SLC30A7: variants seen among roughly 807,000 people sequenced by gnomAD.
SLC30A7 encodes solute carrier family 30 member 7, also known as zinc transporter 7.
In SLC30A7, 35 loss-of-function variants were observed where a neutral mutation model predicts 46.0. The ratio of observed to expected loss-of-function variants is 0.76; its 90% confidence interval spans 0.58 to 1.01. The LOEUF (loss-of-function observed/expected upper bound fraction) is 1.01, where lower values mean the gene tolerates loss of function less well. Among genes scored for constraint, SLC30A7 ranks in the 50% least tolerant of loss-of-function variants. SLC30A7 has a pLI of 0.00. For synonymous variants in SLC30A7, 147 were observed against 157.8 expected, an observed-to-expected ratio of 0.93 and a Z score of 0.51; for missense variants, 464 against 451.1, an observed-to-expected ratio of 1.03 and a Z score of -0.26.
Position 100,975,019 on chromosome 1 carries a change from C to G in SLC30A7, c.*162C>G. 2.2e-6 allele frequency: 1 copy of G among 451,358 alleles called. No individual in the cohort carries two copies. Among genetic ancestry groups the G allele is most frequent in the Non-Finnish European group, 3.9e-6 (1 of 253,788 alleles). 28.0% of individuals were successfully genotyped at this position (451,358 alleles called of 1,614,324 possible). A position where few individuals can be genotyped will look rare whatever the true frequency, so the allele number is the denominator to read the frequency against. ...AGCCGTTCATGCTTTGTGGGGAGTT[C>G]ACAGCTAAGGGATCAGATTTAAGAG... On this transcript the variant is annotated 3_prime_UTR_variant, in exon 11 of 11. Transcript: ENST00000357650.
intron 8 of SLC30A7, among the ~76,000 whole-genome samples, chr1:100,925,959 G>C (rs1207091537): frequency 6.6e-6 from 1 of 152,150 alleles, no homozygotes; most frequent in Non-Finnish European, 1.5e-5. Flanking sequence ...CACCCCTTCT[G>C]TTTTCCTGGA....
chr1:100,966,452 A>G (rs2101092664), intron 10 of SLC30A7, among the ~76,000 whole-genome samples: 1 of 151,908 alleles, frequency 6.6e-6, no homozygotes, highest in Middle Eastern at 3.4e-3. Flanking sequence ...GGGTGTGGTG[A>G]CAGGCGACTG....
At chr1:100,897,311 G>A (rs577280884) in intron 2 of SLC30A7, among the ~76,000 whole-genome samples, 8 of 152,096 alleles carry the variant, frequency 5.3e-5, no homozygotes, top group Admixed American at 1.3e-4. Flanking sequence ...TTAGGAGGAG[G>A]AAAATCTAGT....
intron 8 of SLC30A7, among the ~76,000 whole-genome samples, chr1:100,932,258 T>C (rs528785075): frequency 8.7e-4 from 132 of 152,010 alleles, no homozygotes; most frequent in African/African-American, 2.9e-3. Flanking sequence ...CTACTAAAAA[T>C]ACAAAAATTA....
At chr1:100,968,415 C>T (rs747270691) in intron 10 of SLC30A7, among the ~76,000 whole-genome samples, 1 of 150,542 alleles carries the variant, frequency 6.6e-6, no homozygotes, top group African/African-American at 2.5e-5. Flanking sequence ...GAGCTGAGAG[C>T]ATGCCATTGC....
chr1:100,913,210 T>A (rs1203163439), intron 5 of SLC30A7, among the ~76,000 whole-genome samples: 2 of 152,244 alleles, frequency 1.3e-5, no homozygotes, highest in Non-Finnish European at 2.9e-5. Flanking sequence ...TGTGTCTGCC[T>A]TAATGTGAGC....
intron 8 of SLC30A7, 26 bp from the exon 9 acceptor site, chr1:100,961,802 T>TA (rs1324935485): frequency 6.9e-6 from 10 of 1,438,902 alleles, no homozygotes; most frequent in African/African-American, 2.8e-5. Flanking sequence ...GTGACTTTAA[T>TA]AAATTGTTGT....
rs1201949661 is a variant in SLC30A7 at position 100,974,908 on chromosome 1, G to A, written c.*51G>A. 2.7e-6 allele frequency: 4 copies of A among 1,468,596 alleles called. No homozygotes were observed. Among genetic ancestry groups the A allele is most frequent in the East Asian group, 2.3e-5 (1 of 43,666 alleles). 91.0% of individuals were successfully genotyped at this position (1,468,596 alleles called of 1,614,324 possible). On this transcript the variant is annotated 3_prime_UTR_variant, in exon 11 of 11. Coordinates refer to ENST00000357650, the MANE Select transcript of SLC30A7 (RefSeq NM_133496.5). ...TTATGGACCAAATTTTTCTGGTACT[G>A]TACGATCCAAAACATTGTACCCAGC...
At chr1:100,992,618 C>T in the SLC30A7 span, 326 of 1,575,424 alleles carry the variant, frequency 2.1e-4, 2 homozygotes, top group African/African-American at 3.9e-3. Context: ...TATGAGAGCC[C>T]TTCTAGTGTC....
chr1:100,914,463 T>C (rs1235557618), intron 6 of SLC30A7, among the ~76,000 whole-genome samples: 6 of 152,202 alleles, frequency 3.9e-5, no homozygotes, highest in African/African-American at 1.4e-4. Flanking sequence ...CTTATAAAAA[T>C]ATGGTGGAGG....
At chr1:100,983,904 C>A (rs933278133), downstream of SLC30A7, among the ~76,000 whole-genome samples, 3 of 152,196 alleles carry the variant, frequency 2.0e-5, no homozygotes, top group Non-Finnish European at 4.4e-5. Context: ...CGCTGTCTTC[C>A]ACCCTAGACA....
In SLC30A7 at chr1:100,927,289, G is replaced by A. The variant is rs77025634; in HGVS notation, c.842+5448G>A. 7.8e-3 allele frequency among the ~76,000 whole-genome samples: 1,186 copies of A among 152,254 alleles called. 11 individuals carry two copies. The highest frequency in any genetic ancestry group is 0.027 in the African/African-American group (1,124 of 41,546). On this transcript the variant is annotated intron_variant, in intron 8 of 10. Coordinates refer to ENST00000357650, the MANE Select transcript of SLC30A7 (RefSeq NM_133496.5). ...CCCTGGGGTTGGTCAGGAGGCAGGT[G>A]CAACCAAGAAGAGTAAAGTGGAATG...
chr1:100,898,381 G>A (rs1651106047), intron 2 of SLC30A7, among the ~76,000 whole-genome samples: 1 of 152,166 alleles, frequency 6.6e-6, no homozygotes, highest in Non-Finnish European at 1.5e-5. Context: ...GTATGCATCA[G>A]TGCATAACAA....
chr1:100,911,252 T>C (rs2101016674), intron 4 of SLC30A7, 102 bp downstream of exon 4: 1 of 777,048 alleles, frequency 1.3e-6, no homozygotes, highest in East Asian at 2.8e-5. Context: ...TATTAAATAT[T>C]GTGGACAATC....
In SLC30A7 at chr1:100,911,054, CCT is replaced by C; in HGVS notation, c.297-6_297-5del. The C allele has an allele frequency of 6.3e-7, 1 of 1,591,590 alleles. No homozygotes were observed. Among genetic ancestry groups the C allele is most frequent in the Non-Finnish European group, 8.6e-7 (1 of 1,164,004 alleles). ...TAATAATTCAGTTATTTACTTTGTT[CCT>C]CTTTAGGTATGTTAGAGCGGAAGTT... is the stretch of plus-strand genomic sequence containing the variant. On this transcript the variant is annotated splice_region_variant and splice_polypyrimidine_tract_variant and intron_variant, in intron 3 of 10. Coordinates refer to ENST00000357650, the MANE Select transcript of SLC30A7 (RefSeq NM_133496.5).
At chr1:100,966,099 G>A (rs1655845193) in intron 10 of SLC30A7, among the ~76,000 whole-genome samples, 181 bp downstream of exon 10, 1 of 151,242 alleles carries the variant, frequency 6.6e-6, no homozygotes, top group African/African-American at 2.4e-5. Context: ...ATGGTGACAT[G>A]CGCCTATAGT....
intron 10 of SLC30A7, among the ~76,000 whole-genome samples, 200 bp downstream of exon 10, chr1:100,966,118 C>T (rs1237358500): frequency 6.6e-6 from 1 of 151,572 alleles, no homozygotes; most frequent in Non-Finnish European, 1.5e-5. Flanking sequence ...GTCCCAGCTG[C>T]TTGGGAGGCT....
intron 8 of SLC30A7, among the ~76,000 whole-genome samples, chr1:100,929,462 A>C (rs1279790922): frequency 6.6e-6 from 1 of 152,180 alleles, no homozygotes; most frequent in African/African-American, 2.4e-5. Context: ...GCCTGATTTT[A>C]GGAAATAGTG....
At chr1:100,958,485 A>G (rs1396969510) in intron 8 of SLC30A7, among the ~76,000 whole-genome samples, 2 of 152,108 alleles carry the variant, frequency 1.3e-5, no homozygotes, top group Non-Finnish European at 2.9e-5. Flanking sequence ...CAGTATTTGC[A>G]TTGTTTAATC....
Sources: gnomAD v4.1 joint callset for allele counts (sites outside exome capture counted in the v4.1 genomes callset) on GRCh38, gnomAD v4.1.1 for gene constraint, MANE v1.5 for transcripts, NCBI Gene and HGNC (gene_info 2026-07-23, HGNC 2026-07-21) for gene names.